The following CENPT variants were observed in gnomAD, a reference collection of about 807,000 sequenced individuals.
The protein encoded by CENPT is interphase centromere complex protein 22.
In CENPT, 42 loss-of-function variants were observed where a neutral mutation model predicts 59.7. The observed-to-expected ratio is 0.70, with a 90% CI of 0.55 to 0.91. The LOEUF (loss-of-function observed/expected upper bound fraction) is 0.91. Among genes scored for constraint, CENPT ranks in the 40% least tolerant of loss-of-function variants. The pLI is 0.00. For missense variants in CENPT, 716 were observed against 713.4 expected (o/e 1.00, Z -0.04); for synonymous variants, 295 against 289.6 (o/e 1.02, Z -0.19).
intron 1 of CENPT, among the ~76,000 whole-genome samples, chr16:67,839,497 T>C (rs1294852075): frequency 1.3e-5 from 2 of 152,004 alleles, no homozygotes; most frequent in Admixed American, 1.3e-4. Flanking sequence ...GAGGCGGATG[T>C]TGCAGTGAGC....
intron 1 of CENPT, chr16:67,847,110 A>G (rs1220420516): frequency 1.3e-5 from 2 of 149,502 alleles, no homozygotes; most frequent in African/African-American, 2.5e-5. Flanking sequence ...GGCGGCCCGA[A>G]GCCGCGCGGG....
In CENPT at chr16:67,829,987, C is replaced by T. The variant is rs2057668698; in HGVS notation, c.964G>A (p.Glu322Lys). Residue 322 changes from glutamate (E) to lysine (K), a missense_variant, in exon 12 of 16, where the codon GAA becomes AAA. Coordinates refer to ENST00000562787, the MANE Select transcript of CENPT (RefSeq NM_025082.4). ...STSSGVSGED[E>K]VEPLHDGVEE... Reference sequence around the variant, plus strand: ...ACTCCATCGTGTAAGGGCTCTACTTCATCTTCTCCAGAGACACCACTGCTG... The same window carrying T: ...ACTCCATCGTGTAAGGGCTCTACTTTATCTTCTCCAGAGACACCACTGCTG... 6.2e-7 allele frequency: 1 copy of T among 1,614,216 alleles called. No individual in the cohort carries two copies. The highest frequency in any genetic ancestry group is 1.3e-5 in the African/African-American group (1 of 75,042).
chr16:67,846,356 C>T (rs1336221822), intron 1 of CENPT, among the ~76,000 whole-genome samples: 1 of 152,268 alleles, frequency 6.6e-6, no homozygotes, highest in African/African-American at 2.4e-5. Flanking sequence ...GTCTCCGGCC[C>T]AAGAATAGCC....
intron 1 of CENPT, among the ~76,000 whole-genome samples, chr16:67,846,230 A>C (rs1042283689): frequency 1.3e-5 from 2 of 152,232 alleles, no homozygotes; most frequent in African/African-American, 2.4e-5. Context: ...TAAAAATGAA[A>C]CACTTAGCTG....
intron 1 of CENPT, among the ~76,000 whole-genome samples, chr16:67,837,640 G>T (rs192161630): frequency 6.6e-6 from 1 of 152,286 alleles, no homozygotes; most frequent in African/African-American, 2.4e-5. Flanking sequence ...CTTGGAGGGT[G>T]AAGGTTGCAG....
In CENPT at chr16:67,833,850, G is replaced by T. The variant is rs757632498; in HGVS notation, c.10C>A (p.His4Asn). The T allele has an allele frequency of 1.9e-6, 3 of 1,555,722 alleles. No homozygotes were observed. Among genetic ancestry groups the T allele is most frequent in the Non-Finnish European group, 2.6e-6 (3 of 1,153,570 alleles). Reference protein sequence around the residue: MADHNPDSDSTPRT... With the variant: MADNNPDSDSTPRT... ...GGCGTGGAGTCGCTGTCAGGGTTGTGGTCAGCCATCGTCTCGGCCCCGGGC... is the reference window on the plus strand; with the variant it reads ...GGCGTGGAGTCGCTGTCAGGGTTGTTGTCAGCCATCGTCTCGGCCCCGGGC... Residue 4 changes from histidine to asparagine, a missense_variant, in exon 4 of 16, where the codon CAC (histidine) becomes AAC (asparagine). By Grantham distance (68) the His-to-Asn change is moderately conservative. Transcript: ENST00000562787.
chr16:67,833,127 C>G (rs1367853086), intron 4 of CENPT, among the ~76,000 whole-genome samples: 1 of 152,186 alleles, frequency 6.6e-6, no homozygotes, highest in African/African-American at 2.4e-5. Context: ...TCCTCTGCAC[C>G]ATGAGCTCAC....
intron 1 of CENPT, among the ~76,000 whole-genome samples, chr16:67,836,431 AC>A (rs1265757315): frequency 2.7e-5 from 4 of 149,058 alleles, no homozygotes; most frequent in Admixed American, 1.3e-4. Flanking sequence ...ATGGAAAAAA[AC>A]AAACATCTTT....
intron 1 of CENPT, among the ~76,000 whole-genome samples, chr16:67,835,913 C>T (rs1352384097): frequency 1.3e-5 from 2 of 151,774 alleles, no homozygotes; most frequent in African/African-American, 2.4e-5. Flanking sequence ...GGCACCACCA[C>T]GCCCAGCTAA....
At chr16:67,841,493 C>T (rs1161333090) in intron 1 of CENPT, 3 of 152,218 alleles carry the variant, frequency 2.0e-5, no homozygotes, top group African/African-American at 7.2e-5. Context: ...AGCTTTCGTT[C>T]GTTTTTTTAT....
chr16:67,832,596 G>C lies in CENPT; in HGVS notation c.111-51C>G, dbSNP rs368389809. 4.0e-4 allele frequency: 607 copies of C among 1,508,302 alleles called. 2 individuals carry two copies. Among genetic ancestry groups the C allele is most frequent in the African/African-American group, 3.4e-3 (247 of 73,018 alleles). 93.4% of individuals were successfully genotyped at this position (1,508,302 alleles called of 1,614,324 possible). A position where few individuals can be genotyped will look rare whatever the true frequency, so the allele number is the denominator to read the frequency against. ...GAGAATTACGGTGAGGAGGGATAGA[G>C]AATATAGAGACATGCCTTCATCAGG... On this transcript the variant is annotated intron_variant, in intron 4 of 15. Transcript: ENST00000562787.
chr16:67,828,701 T>C lies in CENPT; in HGVS notation c.1423A>G (p.Met475Val), dbSNP rs1224164118. Residue 475 changes from methionine to valine, a missense_variant, in exon 14 of 16, where the codon ATG becomes GTG. Physicochemically the swap from Met to Val is conservative, Grantham distance 21 (BLOSUM62 1). Transcript: ENST00000562787. Reference protein sequence around the residue: ...KLFSFYAKMPMERKALEMVEK... With the variant: ...KLFSFYAKMPVERKALEMVEK... ...ACCATCTCAAGAGCCTTCCTCTCCA[T>C]GGGCATCTTGGCATAGAAGCTAAAG... 1.2e-6 allele frequency: 2 copies of C among 1,614,186 alleles called. No homozygotes were observed. The highest frequency in any genetic ancestry group is 1.3e-5 in the African/African-American group (1 of 75,056).
At chr16:67,837,974 A>G (rs923077105) in intron 1 of CENPT, among the ~76,000 whole-genome samples, 1 of 152,210 alleles carries the variant, frequency 6.6e-6, no homozygotes, top group Non-Finnish European at 1.5e-5. Context: ...TCTGGCAGTC[A>G]TGTGAAGAAC....
Position 67,836,673 on chromosome 16 carries a change from C to T in CENPT, c.-491-1015G>A, listed in dbSNP as rs139594967. Among the ~76,000 whole-genome samples, 712 of 151,382 alleles carry T rather than the reference C, an allele frequency of 4.7e-3. 23 individuals carry two copies. Among genetic ancestry groups the T allele is most frequent in the Admixed American group, 0.041 (623 of 15,192 alleles). ...TGTTGCCCAGGCTGGAGTGCAATGG[C>T]GCAACCTCTGCCTTCTGAGCCTCTC... On this transcript the variant is annotated intron_variant, in intron 1 of 15. Coordinates refer to ENST00000562787, the MANE Select transcript of CENPT (RefSeq NM_025082.4).
At chr16:67,839,310 T>C (rs1382912649) in intron 1 of CENPT, among the ~76,000 whole-genome samples, 1 of 145,746 alleles carries the variant, frequency 6.9e-6, no homozygotes, top group Non-Finnish European at 1.5e-5. Flanking sequence ...GCTTGAACCC[T>C]GAAGTGGAGT....
intron 13 of CENPT, chr16:67,829,154 C>T: frequency 1.9e-6 from 1 of 514,144 alleles, no homozygotes; most frequent in Admixed American, 3.8e-5. Context: ...CTACTGCTGC[C>T]TTTCCCGATT....
At chr16:67,831,395 C>A in intron 9 of CENPT, 37 bp from the exon 10 acceptor site, 1 of 1,603,850 alleles carries the variant, frequency 6.2e-7, no homozygotes, top group East Asian at 2.2e-5. Context: ...AAGTCAGGTA[C>A]CTGAGACCCA....
chr16:67,844,796 A>AT (rs931169879), intron 1 of CENPT, among the ~76,000 whole-genome samples: 7 of 132,214 alleles, frequency 5.3e-5, no homozygotes, highest in South Asian at 2.3e-4. Context: ...TTTTTTTTTT[A>AT]TTTTTTTTTA....
In CENPT at chr16:67,843,134, G is replaced by A. The variant is rs764043563; in HGVS notation, c.-492+4267C>T. 1 of 1,610,236 alleles carries A rather than the reference G, an allele frequency of 6.2e-7. No individual in the cohort carries two copies. Among genetic ancestry groups the A allele is most frequent in the Non-Finnish European group, 8.5e-7 (1 of 1,179,676 alleles). On this transcript the variant is annotated intron_variant, in intron 1 of 15. Transcript: ENST00000562787. This position sits in a 1 kb window ranked among gnomAD's most constrained non-coding sequence, Gnocchi z 5.7. ...GAAGCCCATCGATCTCACAGTGCAA[G>A]TGGAGTTTGCAGCCGCAGAGGGCGC...
Sources: allele counts gnomAD v4.1 joint callset (sites outside exome capture counted in the v4.1 genomes callset), GRCh38; gene constraint gnomAD v4.1.1; non-coding constraint Gnocchi (gnomAD v3.1); transcripts MANE v1.5; gene names NCBI Gene and HGNC (gene_info 2026-07-23, HGNC 2026-07-21).